Variants in DAB1 observed in about 807,000 individuals in gnomAD.
DAB1 encodes DAB adaptor protein 1.
DAB1 carries 15 observed loss-of-function variants against 64.6 expected under a neutral mutation model. The ratio of observed to expected loss-of-function variants is 0.23; its 90% CI spans 0.16 to 0.36. The LOEUF (loss-of-function observed/expected upper bound fraction) is 0.36, where lower values mean the gene tolerates loss of function less well. DAB1 is among the 10% of genes least tolerant of loss of function. The pLI is 1.00. For missense variants in DAB1, 596 were observed against 706.7 expected (o/e 0.84, Z 1.78); for synonymous variants, 235 against 251.9 (o/e 0.93, Z 0.64).
Position 58,057,635 on chromosome 1 carries a change from G to A in DAB1, n.387+92876C>T, listed in dbSNP as rs139160789. ...CTGCTAGAAGATAGAGAGAGGCAAGGAAGGATTCTTCCCTAGAATCTTCAG... is the reference window on the plus strand; with the variant it reads ...CTGCTAGAAGATAGAGAGAGGCAAGAAAGGATTCTTCCCTAGAATCTTCAG... On this transcript the variant is annotated intron_variant and non_coding_transcript_variant, in intron 5 of 20. Coordinates refer to the DAB1 transcript ENST00000485760. 4.1e-3 allele frequency among the ~76,000 whole-genome samples: 620 copies of A among 152,290 alleles called. 5 individuals carry two copies. The highest frequency in any genetic ancestry group is 5.3e-3 in the Non-Finnish European group (360 of 68,004).
intron 7 of DAB1, among the ~76,000 whole-genome samples, chr1:57,487,897 A>G (rs1644112070): frequency 6.6e-6 from 1 of 152,218 alleles, no homozygotes; most frequent in Non-Finnish European, 1.5e-5. Flanking sequence ...GTAGTTAACC[A>G]TTACCAAACT....
In DAB1 at chr1:57,991,376, T is replaced by C. The variant is rs532611554; in HGVS notation, n.388-107214A>G. On this transcript the variant is annotated intron_variant and non_coding_transcript_variant, in intron 5 of 20. Coordinates refer to the DAB1 transcript ENST00000485760. Reference sequence around the variant, plus strand: ...TGAGTTAAATTCAACAAGCATCGACTAATATACACCCTTAGCCAGGCATTG... The same window carrying C: ...TGAGTTAAATTCAACAAGCATCGACCAATATACACCCTTAGCCAGGCATTG... 2.6e-5 allele frequency among the ~76,000 whole-genome samples: 4 copies of C among 152,300 alleles called. 1 individual carries two copies. The South Asian group carries it at 8.3e-4, about 32-fold the overall frequency.
At chr1:58,003,918 C>T (rs1033524478) in intron 5 of DAB1, among the ~76,000 whole-genome samples, 10 of 152,194 alleles carry the variant, frequency 6.6e-5, no homozygotes, top group Non-Finnish European at 1.2e-4. Context: ...TCAGCCACCC[C>T]CAGCCGAAGG....
chr1:57,600,733 T>C (rs751444409), intron 7 of DAB1, among the ~76,000 whole-genome samples: 1 of 152,194 alleles, frequency 6.6e-6, no homozygotes, highest in Non-Finnish European at 1.5e-5. Flanking sequence ...AAGATGTAAT[T>C]ATTGCAAAGC....
At chr1:57,968,978 C>T (rs1163696291) in intron 5 of DAB1, among the ~76,000 whole-genome samples, 1 of 152,120 alleles carries the variant, frequency 6.6e-6, no homozygotes, top group Non-Finnish European at 1.5e-5. Context: ...TTTAGTTAAT[C>T]AGAGGCAATG....
chr1:57,070,075 G>A (rs1208582328), intron 7 of DAB1, among the ~76,000 whole-genome samples: 1 of 152,178 alleles, frequency 6.6e-6, no homozygotes, highest in Non-Finnish European at 1.5e-5. Context: ...GCAAGAGCAC[G>A]TCATTACGTG....
chr1:58,001,825 A>T (rs1646511564), intron 5 of DAB1, among the ~76,000 whole-genome samples: 1 of 152,190 alleles, frequency 6.6e-6, no homozygotes, highest in Admixed American at 6.5e-5. Context: ...ATATCAGTAC[A>T]TTAAGGATGT....
chr1:58,164,615 T>C (rs142101333), intron 4 of DAB1, among the ~76,000 whole-genome samples: 2 of 152,250 alleles, frequency 1.3e-5, no homozygotes, highest in African/African-American at 4.8e-5. Flanking sequence ...GAAGGAAAAA[T>C]TGATGTGATT....
intron 1 of DAB1, among the ~76,000 whole-genome samples, chr1:57,386,304 A>G (rs1444035843): frequency 2.0e-5 from 3 of 149,924 alleles, no homozygotes; most frequent in Non-Finnish European, 3.0e-5. Context: ...GATAGACACA[A>G]TTATGCACTA....
intron 5 of DAB1, among the ~76,000 whole-genome samples, chr1:57,961,895 C>T (rs4912289): frequency 0.42 from 63,260 of 151,540 alleles, 14,051 homozygotes; most frequent in East Asian, 0.86. Flanking sequence ...TTGCTTGAAC[C>T]TGGGAGGCGG....
intron 7 of DAB1, among the ~76,000 whole-genome samples, chr1:57,528,786 A>AG (rs1242187326): frequency 1.3e-5 from 2 of 150,882 alleles, no homozygotes; most frequent in Non-Finnish European, 3.0e-5. Context: ...TAAAGATGAA[A>AG]AGGCCTGTCA....
At chr1:58,234,764 G>C (rs1281438458) in intron 4 of DAB1, among the ~76,000 whole-genome samples, 2 of 152,176 alleles carry the variant, frequency 1.3e-5, no homozygotes, top group African/African-American at 2.4e-5. Context: ...GATCATGAAG[G>C]GATAATGCTT....
chr1:57,322,119 G>GA (rs1426816848), intron 1 of DAB1, among the ~76,000 whole-genome samples: 2 of 151,992 alleles, frequency 1.3e-5, no homozygotes, highest in Non-Finnish European at 2.9e-5. Context: ...CAGCCCTTAT[G>GA]AAAAAAAGCA....
chr1:58,193,868 AAAAGAAAAAC>A lies in DAB1; in HGVS notation n.310-43290_310-43281del, dbSNP rs1340717355. Among the ~76,000 whole-genome samples, 11 of 152,196 alleles carry A rather than the reference AAAAGAAAAAC, an allele frequency of 7.2e-5. No homozygotes were observed. In the South Asian group the frequency reaches 1.0e-3, roughly 14 times the overall value. On this transcript the variant is annotated intron_variant and non_coding_transcript_variant, in intron 4 of 20. Transcript: ENST00000485760. Reference sequence around the variant, plus strand: ...CAAAACTCTGTCTAAAAAAAAAAAGAAAAGAAAAACAAAGAAAAACAGAGTTACAAAGAGG... The same window carrying A: ...CAAAACTCTGTCTAAAAAAAAAAAGAAAAGAAAAACAGAGTTACAAAGAGG...
At chr1:57,563,436 G>C (rs920178450) in intron 7 of DAB1, among the ~76,000 whole-genome samples, 30 of 151,808 alleles carry the variant, frequency 2.0e-4, no homozygotes, top group Admixed American at 1.7e-3. Context: ...TTGTCAGACA[G>C]TGGGTGCAGG....
At chr1:57,297,882 G>A (rs1467546646) in intron 1 of DAB1, among the ~76,000 whole-genome samples, 3 of 152,054 alleles carry the variant, frequency 2.0e-5, no homozygotes, top group African/African-American at 7.2e-5. Context: ...CTCCACCCCT[G>A]TAACTCCCCA....
rs944315984 is a variant in DAB1, at chr1:57,578,523, T to C, written n.625+71069A>G. Among the ~76,000 whole-genome samples, 4 of 152,244 alleles carry C rather than the reference T, an allele frequency of 2.6e-5. No homozygotes were observed. The East Asian group carries it at 7.7e-4, about 29-fold the overall frequency. Reference sequence around the variant, plus strand: ...ACTTATGTTCCAGAGGGCACACGCCTGGCCTCTGCCACTTATAAACTAGGG... The same window carrying C: ...ACTTATGTTCCAGAGGGCACACGCCCGGCCTCTGCCACTTATAAACTAGGG... On this transcript the variant is annotated intron_variant and non_coding_transcript_variant, in intron 7 of 20. Transcript: ENST00000485760.
intron 6 of DAB1, among the ~76,000 whole-genome samples, chr1:57,701,475 G>A (rs1646907253): frequency 6.6e-6 from 1 of 151,938 alleles, no homozygotes; most frequent in South Asian, 2.1e-4. Flanking sequence ...AACACCACAT[G>A]TTCTCACTCA....
At chr1:57,575,504 G>A (rs1403560207) in intron 7 of DAB1, among the ~76,000 whole-genome samples, 1 of 152,210 alleles carries the variant, frequency 6.6e-6, no homozygotes, top group Non-Finnish European at 1.5e-5. Context: ...GCAGATACTA[G>A]AGAATTGGAG....
Sources: gnomAD v4.1 joint callset for allele counts (sites outside exome capture counted in the v4.1 genomes callset) on GRCh38, gnomAD v4.1.1 for gene constraint, MANE v1.5 for transcripts, NCBI Gene and HGNC (gene_info 2026-07-23, HGNC 2026-07-21) for gene names.